Variants in ENOX1 observed in about 807,000 individuals in gnomAD.
ENOX1 encodes ecto-NOX disulfide-thiol exchanger 1, also known as candidate growth-related and time keeping constitutive hydroquinone (NADH) oxidase.
ENOX1 carries 42 observed loss-of-function variants against 82.5 expected under a neutral mutation model. The ratio of observed to expected loss-of-function variants is 0.51; its 90% CI spans 0.40 to 0.66. ENOX1 has a LOEUF of 0.66. Ranked by LOEUF, ENOX1 falls within the 30% of genes least tolerant of loss-of-function variation. ENOX1 has a pLI of 0.00. For synonymous variants in ENOX1, 271 were observed against 282.2 expected (o/e 0.96, Z 0.40); for missense variants, 608 against 811.6 (o/e 0.75, Z 3.05).
chr13:43,232,895 C>T (rs1029010460), intron 15 of ENOX1, among the ~76,000 whole-genome samples: 2 of 152,112 alleles, frequency 1.3e-5, no homozygotes, highest in East Asian at 1.9e-4. Context: ...TAGAGTGATA[C>T]GGACCCAGAG....
chr13:43,647,360 G>A (rs1246769238), intron 2 of ENOX1, among the ~76,000 whole-genome samples: 8 of 152,122 alleles, frequency 5.3e-5, no homozygotes, highest in Non-Finnish European at 8.8e-5. Flanking sequence ...CACTACAACT[G>A]CTTTGAGTCC....
chr13:43,623,367 C>A (rs1367533633), intron 2 of ENOX1, among the ~76,000 whole-genome samples: 4 of 152,150 alleles, frequency 2.6e-5, no homozygotes, highest in Non-Finnish European at 5.9e-5. Context: ...TGTTGGATCC[C>A]CATGGTGCCA....
intron 1 of ENOX1, among the ~76,000 whole-genome samples, chr13:43,694,960 T>C (rs1407673391): frequency 6.6e-6 from 1 of 152,154 alleles, no homozygotes; most frequent in African/African-American, 2.4e-5. Context: ...AACATTCTCT[T>C]CTCAAAGGCA....
intron 1 of ENOX1, among the ~76,000 whole-genome samples, chr13:43,674,241 A>G (rs1432185593): frequency 1.3e-5 from 2 of 152,224 alleles, no homozygotes; most frequent in African/African-American, 2.4e-5. Context: ...CAGGAACAAG[A>G]CAAGACTCTC....
chr13:43,452,672 G>A lies in ENOX1; in HGVS notation c.-75+31337C>T, dbSNP rs147544274. Among the ~76,000 whole-genome samples, 440 of 152,068 alleles carry A rather than the reference G, an allele frequency of 2.9e-3. 2 individuals are homozygous for A. The highest frequency in any genetic ancestry group is 7.9e-3 in the East Asian group (41 of 5,160). On this transcript the variant is annotated intron_variant, in intron 3 of 16. Transcript: ENST00000690772. ...CAAGTAGCTGGGATTACAGGTGCCC[G>A]CCACCACACCTGGCTAATTTTTGTA... is the stretch of plus-strand genomic sequence containing the variant.
At chr13:43,600,221 T>C (rs185309028) in intron 2 of ENOX1, among the ~76,000 whole-genome samples, 1 of 152,300 alleles carries the variant, frequency 6.6e-6, no homozygotes, top group African/African-American at 2.4e-5. Flanking sequence ...TAGAGCATCA[T>C]GCTGGCTCTT....
At chr13:43,760,428 G>A (rs368424832) in intron 1 of ENOX1, among the ~76,000 whole-genome samples, 1 of 152,124 alleles carries the variant, frequency 6.6e-6, no homozygotes, top group Non-Finnish European at 1.5e-5. Flanking sequence ...GAGGGATGTA[G>A]AGGAACAGAA....
At chr13:43,755,133 C>G (rs1950581765) in intron 1 of ENOX1, among the ~76,000 whole-genome samples, 1 of 151,898 alleles carries the variant, frequency 6.6e-6, no homozygotes, top group Non-Finnish European at 1.5e-5. Flanking sequence ...CAAAACACTT[C>G]TCCATTCCAC....
intron 2 of ENOX1, among the ~76,000 whole-genome samples, chr13:43,521,414 C>T (rs1411238643): frequency 6.6e-6 from 1 of 151,972 alleles, no homozygotes; most frequent in African/African-American, 2.4e-5. Context: ...ATCAGAGGCT[C>T]ATGTCAGGCT....
intron 1 of ENOX1, among the ~76,000 whole-genome samples, chr13:43,778,572 A>G (rs1952062189): frequency 6.6e-6 from 1 of 152,132 alleles, no homozygotes; most frequent in African/African-American, 2.4e-5. Flanking sequence ...CAAGGGGGGA[A>G]AAATCACTAT....
intron 13 of ENOX1, among the ~76,000 whole-genome samples, chr13:43,268,566 C>A (rs544431548): frequency 6.6e-6 from 1 of 151,754 alleles, no homozygotes; most frequent in African/African-American, 2.4e-5. Context: ...TTCTGGACCC[C>A]AAACCATTAA....
chr13:43,542,926 C>T (rs1375774718), intron 2 of ENOX1, among the ~76,000 whole-genome samples: 1 of 152,128 alleles, frequency 6.6e-6, no homozygotes, highest in Non-Finnish European at 1.5e-5. Flanking sequence ...AGGGAGCTCT[C>T]TAGGGCCTCT....
intron 2 of ENOX1, among the ~76,000 whole-genome samples, chr13:43,609,230 T>C (rs1464698057): frequency 2.0e-5 from 3 of 152,224 alleles, no homozygotes; most frequent in African/African-American, 4.8e-5. Context: ...TCTATTTGTA[T>C]GTATCTGTGA....
At chr13:43,375,042 C>T (rs985168273) in intron 5 of ENOX1, among the ~76,000 whole-genome samples, 11 of 152,100 alleles carry the variant, frequency 7.2e-5, no homozygotes, top group East Asian at 3.9e-4. Flanking sequence ...GTATGATGGA[C>T]GTTTATGTGC....
intron 11 of ENOX1, among the ~76,000 whole-genome samples, chr13:43,310,147 C>T (rs1276880184): frequency 8.3e-5 from 10 of 120,940 alleles, no homozygotes; most frequent in South Asian, 2.9e-4. Context: ...TGCAATGAGC[C>T]GAGATCACGC....
At chr13:43,732,933 T>A (rs2089426982) in intron 1 of ENOX1, among the ~76,000 whole-genome samples, 1 of 152,162 alleles carries the variant, frequency 6.6e-6, no homozygotes, top group Non-Finnish European at 1.5e-5. Context: ...ACAGTTCACA[T>A]CACTGACACA....
chr13:43,754,588 T>C (rs1341256473), intron 1 of ENOX1, among the ~76,000 whole-genome samples: 2 of 144,604 alleles, frequency 1.4e-5, no homozygotes, highest in African/African-American at 4.9e-5. Flanking sequence ...TTTTAGCAGC[T>C]TGTTTTTTTT....
At chr13:43,518,095 C>A (rs2077623467) in intron 2 of ENOX1, among the ~76,000 whole-genome samples, 1 of 152,086 alleles carries the variant, frequency 6.6e-6, no homozygotes, top group South Asian at 2.1e-4. Context: ...AACATAGATG[C>A]TTGTTCAAAG....
At chr13:43,669,167 A>G (rs2085133774) in intron 1 of ENOX1, among the ~76,000 whole-genome samples, 1 of 152,222 alleles carries the variant, frequency 6.6e-6, no homozygotes, top group Admixed American at 6.5e-5. Flanking sequence ...AACTGCAACC[A>G]GCAATACGGG....
Sources: allele counts gnomAD v4.1 joint callset (sites outside exome capture counted in the v4.1 genomes callset), GRCh38; gene constraint gnomAD v4.1.1; transcripts MANE v1.5; gene names NCBI Gene and HGNC (gene_info 2026-07-23, HGNC 2026-07-21).